RIMS2: variants seen among roughly 807,000 people sequenced by gnomAD.
RIMS2 encodes the protein regulating synaptic membrane exocytosis protein 2.
Under a neutral mutation model 174.4 loss-of-function variants are expected in RIMS2, and 59 were observed. That is an observed-to-expected ratio of 0.34 (90% CI 0.27 to 0.42). RIMS2 has a LOEUF of 0.42. Among genes scored for constraint, RIMS2 ranks in the 10% least tolerant of loss-of-function variants. The probability of loss-of-function intolerance (pLI) is 1.00; values close to 1 mark genes in which losing one functional copy is unlikely to be tolerated. For missense variants in RIMS2, 1,620 were observed against 1,666.3 expected, an observed-to-expected ratio of 0.97 and a Z score of 0.48; for synonymous variants, 606 against 572.5, an observed-to-expected ratio of 1.06 and a Z score of -0.84.
At chr8:103,989,016 C>A (rs542903551) in intron 16 of RIMS2, among the ~76,000 whole-genome samples, 1 of 152,260 alleles carries the variant, frequency 6.6e-6, no homozygotes, top group East Asian at 1.9e-4. Flanking sequence ...ACCTGGTAGT[C>A]ATCCATATGA....
At chr8:103,931,510 T>A in intron 12 of RIMS2, 117 bp downstream of exon 14, 1 of 642,498 alleles carries the variant, frequency 1.6e-6, no homozygotes, top group Non-Finnish European at 2.4e-6. Context: ...ATGTGAAGTT[T>A]AACATAAACG....
At chr8:103,738,168 T>G (rs1055958672) in intron 2 of RIMS2, among the ~76,000 whole-genome samples, 1 of 152,140 alleles carries the variant, frequency 6.6e-6, no homozygotes, top group Non-Finnish European at 1.5e-5. Flanking sequence ...TTTTCTTCCC[T>G]GCCCTCAACC....
chr8:104,199,237 AT>A (rs1190360810), intron 19 of RIMS2, among the ~76,000 whole-genome samples: 3 of 151,650 alleles, frequency 2.0e-5, no homozygotes, highest in Non-Finnish European at 4.4e-5. Context: ...AATTTTTTGT[AT>A]TTTTTAATAG....
intron 19 of RIMS2, among the ~76,000 whole-genome samples, chr8:104,101,749 A>G (rs759731909): frequency 1.1e-4 from 17 of 152,158 alleles, no homozygotes; most frequent in African/African-American, 3.9e-4. Flanking sequence ...TATTACAACT[A>G]CAAGTTATTT....
At chr8:103,921,042 C>CAACAAA (rs201890399) in intron 9 of RIMS2, 1 of 221,702 alleles carries the variant, frequency 4.5e-6, no homozygotes, top group Non-Finnish European at 8.9e-6. Flanking sequence ...ACAACAACAA[C>CAACAAA]AACAAAAACA....
intron 1 of RIMS2, among the ~76,000 whole-genome samples, chr8:103,667,850 G>A (rs1427425293): frequency 1.3e-5 from 2 of 152,212 alleles, no homozygotes; most frequent in Non-Finnish European, 2.9e-5. Flanking sequence ...CCAAGAGTCT[G>A]TAGGGGATCT....
intron 2 of RIMS2, among the ~76,000 whole-genome samples, chr8:103,757,807 G>A (rs1171488438): frequency 1.3e-5 from 2 of 152,226 alleles, no homozygotes. Context: ...TTAACAGAGA[G>A]AGTTCGAAGA....
chr8:103,774,766 A>T (rs1316234982), intron 3 of RIMS2, among the ~76,000 whole-genome samples: 1 of 152,152 alleles, frequency 6.6e-6, no homozygotes, highest in Non-Finnish European at 1.5e-5. Flanking sequence ...GTTTTCCTTG[A>T]GGGAACTTTC....
intron 19 of RIMS2, among the ~76,000 whole-genome samples, chr8:104,206,142 A>C (rs1466078437): frequency 6.6e-6 from 1 of 152,178 alleles, no homozygotes; most frequent in African/African-American, 2.4e-5. Flanking sequence ...ATAAAATTTT[A>C]GGTTGCCTCA....
rs558004832 is a variant in RIMS2 at position 104,166,159 on chromosome 8, C to T, written c.3335-78757C>T. On this transcript the variant is annotated intron_variant, in intron 19 of 23. Coordinates refer to ENST00000504942, the Ensembl canonical transcript of RIMS2. ...TCGGCTCACTGCAAGCTCCGCCTCCCGGGTTCACGCCATTCTCCTGCCTCA... is the reference window on the plus strand; with the variant it reads ...TCGGCTCACTGCAAGCTCCGCCTCCTGGGTTCACGCCATTCTCCTGCCTCA... Among the ~76,000 whole-genome samples the T allele has an allele frequency of 4.3e-3, 647 of 150,562 alleles. 8 individuals are homozygous for T. Among genetic ancestry groups the T allele is most frequent in the African/African-American group, 0.015 (625 of 40,920 alleles).
At chr8:103,739,335 C>G (rs1044172145) in intron 2 of RIMS2, among the ~76,000 whole-genome samples, 10 of 152,020 alleles carry the variant, frequency 6.6e-5, no homozygotes, top group African/African-American at 2.4e-4. Context: ...ACAATGAGAA[C>G]ACTTAGACAC....
At chr8:103,906,611 G>GT (rs991560397) in intron 4 of RIMS2, among the ~76,000 whole-genome samples, 18 of 152,228 alleles carry the variant, frequency 1.2e-4, no homozygotes, top group Admixed American at 7.8e-4. Flanking sequence ...AACAGCTTAT[G>GT]TTTTTTTATT....
intron 1 of RIMS2, among the ~76,000 whole-genome samples, chr8:103,572,956 G>A (rs1010392138): frequency 9.2e-5 from 14 of 152,030 alleles, no homozygotes; most frequent in South Asian, 2.1e-4. Context: ...TTTAGAGGTC[G>A]TAGTCATAAA....
intron 4 of RIMS2, among the ~76,000 whole-genome samples, chr8:103,894,040 C>G (rs981457485): frequency 3.3e-5 from 5 of 152,056 alleles, no homozygotes; most frequent in African/African-American, 1.2e-4. Flanking sequence ...AAACACCCAT[C>G]ACAGTATTAT....
chr8:103,553,775 G>A (rs1451079136), intron 1 of RIMS2, among the ~76,000 whole-genome samples: 1 of 152,002 alleles, frequency 6.6e-6, no homozygotes, highest in African/African-American at 2.4e-5. Context: ...CAAAGCTGAA[G>A]GCATCATGCT....
chr8:104,003,171 G>A (rs1263207101), intron 17 of RIMS2, among the ~76,000 whole-genome samples: 3 of 152,094 alleles, frequency 2.0e-5, no homozygotes, highest in Admixed American at 1.3e-4. Flanking sequence ...ATGGTGGGCA[G>A]CTAGATTTTT....
chr8:103,693,199 A>C (rs918724192), intron 1 of RIMS2, among the ~76,000 whole-genome samples: 1 of 151,284 alleles, frequency 6.6e-6, no homozygotes, highest in East Asian at 2.0e-4. Flanking sequence ...CAATTACTAA[A>C]CTCTCCCTTC....
At chr8:103,514,051 A>C (rs1193176427) in intron 1 of RIMS2, among the ~76,000 whole-genome samples, 1 of 152,124 alleles carries the variant, frequency 6.6e-6, no homozygotes, top group Non-Finnish European at 1.5e-5. Context: ...TCCTTCTCTG[A>C]ACCATGGAAC....
At chr8:104,155,255 C>T (rs963967516) in intron 19 of RIMS2, among the ~76,000 whole-genome samples, 15 of 151,088 alleles carry the variant, frequency 9.9e-5, no homozygotes, top group African/African-American at 2.7e-4. Context: ...TACAGGCGCC[C>T]GCCACCACGC....
Sources: allele counts gnomAD v4.1 joint callset (sites outside exome capture counted in the v4.1 genomes callset), GRCh38; gene constraint gnomAD v4.1.1; transcripts MANE v1.5; gene names NCBI Gene and HGNC (gene_info 2026-07-23, HGNC 2026-07-21).